CHMP3: variants seen among roughly 807,000 people sequenced by gnomAD.
The protein encoded by CHMP3 is charged multivesicular body protein 3, also known as 25.1 protein.
CHMP3 carries 8 observed loss-of-function variants against 27.4 expected under a neutral mutation model. The observed-to-expected ratio is 0.29, with a 90% CI of 0.17 to 0.53. The LOEUF (loss-of-function observed/expected upper bound fraction) is 0.53, where lower values mean the gene tolerates loss of function less well. CHMP3 is among the 20% of genes least tolerant of loss of function. The pLI, the probability that CHMP3 is intolerant of heterozygous loss-of-function variation, is 0.96. For missense variants in CHMP3, 208 were observed against 271.5 expected (o/e 0.77, Z 1.64); for synonymous variants, 86 against 85.5 (o/e 1.01, Z -0.03).
At chr2:86,525,684 G>A (rs569506306) in intron 3 of CHMP3, among the ~76,000 whole-genome samples, 3 of 152,158 alleles carry the variant, frequency 2.0e-5, no homozygotes, top group South Asian at 4.2e-4. Context: ...ATGCAAATGG[G>A]GGATTCAAGT....
chr2:86,543,838 T>A (rs572261172), intron 1 of CHMP3, among the ~76,000 whole-genome samples: 1 of 152,362 alleles, frequency 6.6e-6, no homozygotes, highest in South Asian at 2.1e-4. Flanking sequence ...TAATCAGGTT[T>A]ATGTACTTTT....
chr2:86,512,084 G>A (rs1039864809), intron 3 of CHMP3: 1 of 152,206 alleles, frequency 6.6e-6, no homozygotes, highest in Non-Finnish European at 1.5e-5. Flanking sequence ...CAGACTAATT[G>A]TATGTTGTAC....
At chr2:86,534,207 T>C (rs1446029294) in intron 2 of CHMP3, among the ~76,000 whole-genome samples, 1 of 132,990 alleles carries the variant, frequency 7.5e-6, no homozygotes, top group Non-Finnish European at 1.6e-5. Flanking sequence ...TTTTTTTTTT[T>C]TTTTTTTTTT....
intron 1 of CHMP3, among the ~76,000 whole-genome samples, chr2:86,553,051 G>A (rs1280372706): frequency 6.6e-6 from 1 of 151,624 alleles, no homozygotes; most frequent in Admixed American, 6.6e-5. Context: ...GGGATGGTGG[G>A]GGAGGAACAG....
At chr2:86,553,202 AG>A (rs1436590711) in intron 1 of CHMP3, among the ~76,000 whole-genome samples, 7 of 151,470 alleles carry the variant, frequency 4.6e-5, no homozygotes, top group African/African-American at 1.2e-4. Context: ...TAAAAGTTGG[AG>A]GAAAAAAAAA....
At chr2:86,549,462 G>T (rs1676780397) in intron 1 of CHMP3, among the ~76,000 whole-genome samples, 1 of 147,992 alleles carries the variant, frequency 6.8e-6, no homozygotes, top group African/African-American at 2.5e-5. Context: ...TGGCCGGGCA[G>T]AGGCGCTCCT....
At chr2:86,525,649 T>G (rs1227492115) in intron 3 of CHMP3, among the ~76,000 whole-genome samples, 1 of 152,112 alleles carries the variant, frequency 6.6e-6, no homozygotes, top group South Asian at 2.1e-4. Flanking sequence ...ACAGTGAAAT[T>G]TGACACCAAA....
chr2:86,563,185 G>A (rs1677457471), intron 1 of CHMP3, 119 bp downstream of exon 1: 1 of 1,277,964 alleles, frequency 7.8e-7, no homozygotes, highest in Non-Finnish European at 1.1e-6. Flanking sequence ...GGGAGTCCCC[G>A]GAAATGGGGG....
At chr2:86,519,333 C>A (rs1415154908) in intron 3 of CHMP3, among the ~76,000 whole-genome samples, 1 of 150,284 alleles carries the variant, frequency 6.7e-6, no homozygotes. Flanking sequence ...CCACTGCGCT[C>A]CAGCCTGGGC....
intron 3 of CHMP3, among the ~76,000 whole-genome samples, chr2:86,522,365 G>C (rs144316671): frequency 2.0e-5 from 3 of 151,914 alleles, no homozygotes; most frequent in Non-Finnish European, 4.4e-5. Context: ...TTCTATCCTC[G>C]TACCTACTCT....
chr2:86,510,267 C>T (rs1675047743), intron 4 of CHMP3, 91 bp downstream of exon 4: 3 of 1,519,662 alleles, frequency 2.0e-6, no homozygotes, highest in Non-Finnish European at 1.8e-6. Flanking sequence ...GTAGTCTGTT[C>T]ATCCCCACCC....
intron 2 of CHMP3, chr2:86,541,107 G>C (rs1390144769): frequency 6.6e-6 from 1 of 151,914 alleles, no homozygotes; most frequent in Non-Finnish European, 1.5e-5. Context: ...TTTTTTCTAG[G>C]ACTACCTACC....
intron 1 of CHMP3, among the ~76,000 whole-genome samples, chr2:86,544,820 G>A (rs566778972): frequency 5.9e-5 from 9 of 152,226 alleles, no homozygotes; most frequent in African/African-American, 1.7e-4. Flanking sequence ...AACTGCCATC[G>A]TCATCATGGC....
At chr2:86,509,550 G>A (rs1284121635) in intron 4 of CHMP3, among the ~76,000 whole-genome samples, 1 of 152,192 alleles carries the variant, frequency 6.6e-6, no homozygotes, top group Non-Finnish European at 1.5e-5. Context: ...ACAAGAATTT[G>A]AGGTGTACAC....
intron 3 of CHMP3, 117 bp downstream of exon 3, chr2:86,529,101 C>A: frequency 4.2e-6 from 5 of 1,200,550 alleles, no homozygotes; most frequent in Non-Finnish European, 4.4e-6. Flanking sequence ...ACACTCAACA[C>A]TAAGAAAATA....
chr2:86,511,478 G>A (rs972317791), intron 3 of CHMP3: 3 of 151,776 alleles, frequency 2.0e-5, no homozygotes, highest in African/African-American at 7.3e-5. Flanking sequence ...CTGTGAGGCT[G>A]AAATAAGCAA....
At position 86,504,321 on chromosome 2, in the gene CHMP3, ATAG is replaced by A. The variant is rs1218366561; in HGVS notation, c.*1480_*1482del. 2 of 152,070 alleles carry A rather than the reference ATAG, an allele frequency of 1.3e-5. No individual in the cohort carries two copies. The highest frequency in any genetic ancestry group is 4.8e-5 in the African/African-American group (2 of 41,406). The allele number at this position is 152,070 out of a possible 1,614,324, so 9.4% of individuals were successfully genotyped here. A position where few individuals can be genotyped will look rare whatever the true frequency, so the allele number is the denominator to read the frequency against. ...TGTACCACTCTGGTGTGGGATACTG[ATAG>A]TGGTGGGAGGCTATGCATGTGTGAG... On this transcript the variant is annotated 3_prime_UTR_variant, in exon 6 of 6. Coordinates refer to ENST00000263856, the MANE Select transcript of CHMP3 (RefSeq NM_016079.4).
At chr2:86,510,271 C>G in intron 4 of CHMP3, 87 bp downstream of exon 4, 2 of 1,284,556 alleles carry the variant, frequency 1.6e-6, no homozygotes, top group East Asian at 3.0e-5. Context: ...TCTGTTCATC[C>G]CCACCCACCC....
chr2:86,505,805 T>A lies in CHMP3; in HGVS notation c.668A>T (p.Ter223LeuextTer28). 6.3e-7 allele frequency: 1 copy of A among 1,580,962 alleles called. No individual in the cohort carries two copies. The highest frequency in any genetic ancestry group is 8.6e-7 in the Non-Finnish European group (1 of 1,162,986). ...MQSRLATLRS[*>L] ...CACACCCAGCGGGGTAGGCAGCCCC[T>A]AGCTGCGGAGTGTGGCCAGCCGGGA... Residue 223 changes from the stop codon to leucine (L), a stop_lost, in exon 6 of 6, where the codon TAG becomes TTG. Transcript: ENST00000263856.
Sources: gnomAD v4.1 joint callset for allele counts (sites outside exome capture counted in the v4.1 genomes callset) on GRCh38, gnomAD v4.1.1 for gene constraint, MANE v1.5 for transcripts, NCBI Gene and HGNC (gene_info 2026-07-23, HGNC 2026-07-21) for gene names.